NAALADL2: variants seen among roughly 807,000 people sequenced by gnomAD.
NAALADL2 encodes the protein inactive N-acetylated-alpha-linked acidic dipeptidase-like protein 2.
In NAALADL2, 76 loss-of-function variants were observed where a neutral mutation model predicts 87.2. The ratio of observed to expected loss-of-function variants is 0.87; its 90% CI spans 0.72 to 1.05. NAALADL2 has a LOEUF of 1.05. NAALADL2 is among the 50% of genes least tolerant of loss of function. The pLI, the probability that NAALADL2 is intolerant of heterozygous loss-of-function variation, is 0.00. For synonymous variants in NAALADL2, 354 were observed against 331.0 expected, an observed-to-expected ratio of 1.07 and a Z score of -0.75; for missense variants, 1,089 against 945.8, an observed-to-expected ratio of 1.15 and a Z score of -1.99.
intron 1 of NAALADL2, among the ~76,000 whole-genome samples, chr3:175,054,808 A>G (rs954444109): frequency 6.6e-6 from 1 of 152,098 alleles, no homozygotes; most frequent in African/African-American, 2.4e-5. Context: ...CATGCATCAT[A>G]TGTTGACTTT....
chr3:175,257,629 G>T (rs531214621), intron 4 of NAALADL2, among the ~76,000 whole-genome samples: 1 of 152,040 alleles, frequency 6.6e-6, no homozygotes, highest in African/African-American at 2.4e-5. Context: ...AGTAATGCCC[G>T]ATGATGTGAC....
chr3:175,511,132 G>T (rs1731094030), intron 9 of NAALADL2, among the ~76,000 whole-genome samples: 1 of 152,150 alleles, frequency 6.6e-6, no homozygotes, highest in Non-Finnish European at 1.5e-5. Flanking sequence ...CATAGTTAGT[G>T]ATTGGAACCA....
At chr3:175,316,088 G>A (rs535570502) in intron 4 of NAALADL2, among the ~76,000 whole-genome samples, 1 of 152,282 alleles carries the variant, frequency 6.6e-6, no homozygotes, top group South Asian at 2.1e-4. Flanking sequence ...TTTGGATGAT[G>A]AAACCAAGGC....
In NAALADL2 at chr3:175,796,556, G is replaced by A. The variant is rs531081312; in HGVS notation, c.2190-6449G>A. 2.6e-5 allele frequency among the ~76,000 whole-genome samples: 4 copies of A among 152,294 alleles called. No individual in the cohort carries two copies. The East Asian group carries it at 5.8e-4, about 22-fold the overall frequency. On this transcript the variant is annotated intron_variant, in intron 13 of 13. Transcript: ENST00000454872. ...ATGCACTTTGTGCATTCTCATGGACGTAGTATCGAAGTAAAATAATCTCCT... is the reference window on the plus strand; with the variant it reads ...ATGCACTTTGTGCATTCTCATGGACATAGTATCGAAGTAAAATAATCTCCT...
chr3:175,705,742 C>T (rs1739597963), intron 11 of NAALADL2, among the ~76,000 whole-genome samples: 1 of 152,106 alleles, frequency 6.6e-6, no homozygotes, highest in Admixed American at 6.6e-5. Flanking sequence ...TGCCCAACTG[C>T]CTTGTCCAGT....
At chr3:174,537,847 T>C (rs1200850663) in intron 1 of NAALADL2, among the ~76,000 whole-genome samples, 1 of 152,178 alleles carries the variant, frequency 6.6e-6, no homozygotes, top group African/African-American at 2.4e-5. Flanking sequence ...GCTGGTGATA[T>C]TCTCACAGAG....
chr3:174,782,034 G>T (rs1331184332), intron 3 of NAALADL2, among the ~76,000 whole-genome samples: 1 of 152,084 alleles, frequency 6.6e-6, no homozygotes, highest in African/African-American at 2.4e-5. Context: ...AACTTTAAAT[G>T]TACTTGATCC....
upstream of NAALADL2, among the ~76,000 whole-genome samples, chr3:174,858,865 T>C (rs1726145439): frequency 6.6e-6 from 1 of 152,012 alleles, no homozygotes; most frequent in African/African-American, 2.4e-5. Context: ...TTATATTCTT[T>C]GCTTACAGTC....
intron 3 of NAALADL2, among the ~76,000 whole-genome samples, chr3:174,752,243 TG>T (rs35268883): frequency 6.6e-6 from 1 of 152,192 alleles, no homozygotes; most frequent in Non-Finnish European, 1.5e-5. Flanking sequence ...CCCAAAGTGC[TG>T]GGATTACAGG....
At chr3:175,239,543 A>AT (rs1195288752) in intron 3 of NAALADL2, among the ~76,000 whole-genome samples, 1 of 152,040 alleles carries the variant, frequency 6.6e-6, no homozygotes, top group South Asian at 2.1e-4. Flanking sequence ...TGAGCAAGAG[A>AT]TTTTTTTCTT....
chr3:175,488,571 G>A (rs1727629854), intron 9 of NAALADL2, among the ~76,000 whole-genome samples: 1 of 152,164 alleles, frequency 6.6e-6, no homozygotes, highest in Non-Finnish European at 1.5e-5. Flanking sequence ...AAGTTAATGA[G>A]TAATAAAGTG....
At chr3:175,671,025 G>A (rs1265486987) in intron 11 of NAALADL2, among the ~76,000 whole-genome samples, 2 of 151,404 alleles carry the variant, frequency 1.3e-5, no homozygotes, top group Non-Finnish European at 3.0e-5. Context: ...GCAAAAAAGC[G>A]AGAATAAAAA....
intron 1 of NAALADL2, among the ~76,000 whole-genome samples, chr3:175,090,995 T>C (rs1417925705): frequency 6.6e-6 from 1 of 152,052 alleles, no homozygotes; most frequent in Non-Finnish European, 1.5e-5. Context: ...ATCATTATAC[T>C]GAAGAATTAA....
intron 3 of NAALADL2, among the ~76,000 whole-genome samples, chr3:174,805,316 G>A (rs1198673459): frequency 2.0e-5 from 3 of 152,070 alleles, no homozygotes; most frequent in Admixed American, 6.6e-5. Flanking sequence ...AGATAGTGGC[G>A]ATAAAAAGAA....
intron 13 of NAALADL2, among the ~76,000 whole-genome samples, chr3:175,788,518 C>T (rs1344924744): frequency 6.6e-6 from 1 of 151,980 alleles, no homozygotes; most frequent in Non-Finnish European, 1.5e-5. Context: ...TTGTACTGTA[C>T]AGGTTTGTAG....
At chr3:174,723,783 A>AAAAAT (rs397943341) in intron 2 of NAALADL2, among the ~76,000 whole-genome samples, 1 of 147,214 alleles carries the variant, frequency 6.8e-6, no homozygotes, top group Non-Finnish European at 1.5e-5. Flanking sequence ...AAAAAAAAAA[A>AAAAAT]GCCTAGATAG....
rs541235964 is a variant in NAALADL2, at chr3:174,910,654, G to A, written c.43+51204G>A. Among the ~76,000 whole-genome samples, 8 of 152,084 alleles carry A rather than the reference G, an allele frequency of 5.3e-5. No homozygotes were observed. The East Asian group carries it at 7.7e-4, about 15-fold the overall frequency. ...ATGACGCTCTGTGGAATAGTGGGAC[G>A]AGCAGTGGGGAGTGAGGGGCCTCAG... On this transcript the variant is annotated intron_variant, in intron 1 of 13. Coordinates refer to ENST00000454872, the MANE Select transcript of NAALADL2 (RefSeq NM_207015.3).
At chr3:174,783,229 A>T (rs1013256035) in intron 3 of NAALADL2, among the ~76,000 whole-genome samples, 4 of 152,160 alleles carry the variant, frequency 2.6e-5, no homozygotes, top group South Asian at 4.1e-4. Context: ...AGTTTGTGTG[A>T]TTTCTCACTT....
chr3:174,608,458 C>T (rs1719382540), intron 2 of NAALADL2, among the ~76,000 whole-genome samples: 1 of 151,418 alleles, frequency 6.6e-6, no homozygotes, highest in African/African-American at 2.4e-5. Context: ...CAAATAGACA[C>T]AATAAAAAAT....
Sources: gnomAD v4.1 joint callset for allele counts (sites outside exome capture counted in the v4.1 genomes callset) on GRCh38, gnomAD v4.1.1 for gene constraint, MANE v1.5 for transcripts, NCBI Gene and HGNC (gene_info 2026-07-23, HGNC 2026-07-21) for gene names.